The following PKN2 variants were observed in gnomAD, a reference collection of about 807,000 sequenced individuals.
PKN2 encodes serine/threonine-protein kinase N2.
Under a neutral mutation model 119.1 loss-of-function variants are expected in PKN2, and 38 were observed. That is an observed-to-expected ratio of 0.32 (90% CI 0.25 to 0.42). The LOEUF (loss-of-function observed/expected upper bound fraction) is 0.42, where lower values mean the gene tolerates loss of function less well. PKN2 is among the 10% of genes least tolerant of loss of function. PKN2 has a pLI of 1.00. For missense variants in PKN2, 850 were observed against 1,165.1 expected (o/e 0.73, Z 3.94); for synonymous variants, 390 against 384.9 (o/e 1.01, Z -0.15).
rs527962465 is a variant in PKN2 at position 88,716,753 on chromosome 1, G to A, written c.49-24235G>A. On this transcript the variant is annotated intron_variant, in intron 1 of 21. Coordinates refer to ENST00000370521, the MANE Select transcript of PKN2 (RefSeq NM_006256.4). The stretch of plus-strand genomic sequence containing the variant: ...TGGGTCTTGACTGTTTATCCAGTTT[G>A]CCAGTCTGTGTCTTTTAATTGGGGC... 7.6e-4 allele frequency among the ~76,000 whole-genome samples: 116 copies of A among 152,216 alleles called. 1 individual carries two copies. Among genetic ancestry groups the A allele is most frequent in the African/African-American group, 2.6e-3 (106 of 41,526 alleles).
chr1:88,759,620 G>T (rs1669357438), intron 2 of PKN2, among the ~76,000 whole-genome samples: 1 of 152,016 alleles, frequency 6.6e-6, no homozygotes, highest in Non-Finnish European at 1.5e-5. Context: ...CCATTCTGTA[G>T]GTTGTCTGTT....
intron 1 of PKN2, among the ~76,000 whole-genome samples, chr1:88,739,341 AC>A (rs1325381883): frequency 6.6e-6 from 1 of 152,092 alleles, no homozygotes; most frequent in Non-Finnish European, 1.5e-5. Flanking sequence ...GAAATCAACT[AC>A]TTCATATTTT....
At chr1:88,777,250 C>CTT (rs1670144844) in intron 6 of PKN2, among the ~76,000 whole-genome samples, 1 of 151,912 alleles carries the variant, frequency 6.6e-6, no homozygotes, top group South Asian at 2.1e-4. Flanking sequence ...CTGTTTGGTT[C>CTT]TTTTTTATAA....
intron 2 of PKN2, among the ~76,000 whole-genome samples, chr1:88,759,216 AG>A (rs1669343494): frequency 6.6e-6 from 1 of 152,250 alleles, no homozygotes; most frequent in African/African-American, 2.4e-5. Context: ...TACAAAAATT[AG>A]CCAGGCATGG....
In PKN2 at chr1:88,741,042, G is replaced by A. The variant is rs1668559236; in HGVS notation, c.103G>A (p.Asp35Asn). ...GAATGTGAGTGCTGTTCAAAAATTA[G>A]ACTTTTCAGATACAATGGTGCAGCA... ...SENVSAVQKLDFSDTMVQQKL... is the reference protein window; with the variant it reads ...SENVSAVQKLNFSDTMVQQKL... Residue 35 changes from aspartate (D) to asparagine (N), a missense_variant, in exon 2 of 22, where the codon GAC becomes AAC. Asp to Asn is a conservative substitution (Grantham distance 23). Coordinates refer to ENST00000370521, the MANE Select transcript of PKN2 (RefSeq NM_006256.4). 4.4e-6 allele frequency: 7 copies of A among 1,596,362 alleles called. No homozygotes were observed. The highest frequency in any genetic ancestry group is 5.1e-6 in the Non-Finnish European group (6 of 1,174,816).
intron 1 of PKN2, among the ~76,000 whole-genome samples, chr1:88,699,911 T>C (rs890606585): frequency 1.3e-5 from 2 of 151,988 alleles, no homozygotes; most frequent in African/African-American, 4.8e-5. Context: ...GCTTCCCGAG[T>C]AGCTAGGATT....
chr1:88,762,059 T>A (rs1160874753), intron 3 of PKN2, among the ~76,000 whole-genome samples: 1 of 152,194 alleles, frequency 6.6e-6, no homozygotes, highest in East Asian at 1.9e-4. Flanking sequence ...TTGAGGGGTT[T>A]ATGAACCCTT....
At chr1:88,796,535 T>G (rs1488489304) in intron 8 of PKN2, among the ~76,000 whole-genome samples, 1 of 152,244 alleles carries the variant, frequency 6.6e-6, no homozygotes, top group Non-Finnish European at 1.5e-5. Flanking sequence ...ATCCCTATGA[T>G]GTACTATATA....
At chr1:88,706,117 G>T (rs765963305) in intron 1 of PKN2, among the ~76,000 whole-genome samples, 1 of 152,104 alleles carries the variant, frequency 6.6e-6, no homozygotes, top group African/African-American at 2.4e-5. Flanking sequence ...TCTGTTCTAT[G>T]ATAAACAAAG....
intron 15 of PKN2, among the ~76,000 whole-genome samples, chr1:88,811,416 C>G (rs1443569513): frequency 6.6e-6 from 1 of 151,944 alleles, no homozygotes; most frequent in Admixed American, 6.6e-5. Context: ...AGGAAGTACA[C>G]GAAACATGTT....
intron 2 of PKN2, among the ~76,000 whole-genome samples, chr1:88,753,391 C>T (rs1669077818): frequency 6.6e-6 from 1 of 152,124 alleles, no homozygotes; most frequent in Non-Finnish European, 1.5e-5. Flanking sequence ...CTGTGAAAAA[C>T]TCTTTCATCT....
At chr1:88,827,654 C>T (rs1269312392) in intron 18 of PKN2, among the ~76,000 whole-genome samples, 1 of 140,638 alleles carries the variant, frequency 7.1e-6, no homozygotes, top group Non-Finnish European at 1.5e-5. Context: ...CTCTTCTCCC[C>T]TCCCCTCCCG....
chr1:88,701,213 G>T (rs1163750933), intron 1 of PKN2, among the ~76,000 whole-genome samples: 1 of 152,218 alleles, frequency 6.6e-6, no homozygotes, highest in African/African-American at 2.4e-5. Context: ...GGAGGCTGAG[G>T]CGGGTGGATC....
chr1:88,715,218 A>G lies in PKN2; in HGVS notation c.49-25770A>G, dbSNP rs1667397884. ...TTTTGCATTGATGTTCATCAGGGAT[A>G]TTGGTTTAAAATTATCTTTTTTTGT... On this transcript the variant is annotated intron_variant, in intron 1 of 21. Transcript: ENST00000370521. 2.0e-5 allele frequency among the ~76,000 whole-genome samples: 3 copies of G among 152,240 alleles called. No individual in the cohort carries two copies. The South Asian group carries it at 6.2e-4, about 32-fold the overall frequency.
At chr1:88,775,043 C>T (rs968717341) in intron 6 of PKN2, among the ~76,000 whole-genome samples, 1 of 152,114 alleles carries the variant, frequency 6.6e-6, no homozygotes, top group Non-Finnish European at 1.5e-5. Flanking sequence ...TTCTTGCTCC[C>T]TTTTATGAGA....
At chr1:88,773,638 A>G (rs1319933874) in intron 6 of PKN2, among the ~76,000 whole-genome samples, 1 of 152,038 alleles carries the variant, frequency 6.6e-6, no homozygotes, top group Non-Finnish European at 1.5e-5. Context: ...AGTTATCCAG[A>G]TGAGGTTGCA....
At chr1:88,744,649 T>C (rs955438765) in intron 2 of PKN2, among the ~76,000 whole-genome samples, 1 of 152,198 alleles carries the variant, frequency 6.6e-6, no homozygotes, top group Non-Finnish European at 1.5e-5. Context: ...CTTGATCTCT[T>C]TACTTTGTTG....
intron 19 of PKN2, among the ~76,000 whole-genome samples, chr1:88,832,186 C>T (rs981916407): frequency 5.9e-5 from 9 of 151,894 alleles, no homozygotes; most frequent in Admixed American, 5.9e-4. Flanking sequence ...GTTTTACCAC[C>T]ATTAATTTAC....
At chr1:88,757,291 T>C (rs778174084) in intron 2 of PKN2, among the ~76,000 whole-genome samples, 8 of 152,190 alleles carry the variant, frequency 5.3e-5, no homozygotes, top group Non-Finnish European at 8.8e-5. Context: ...TAAAGCACTA[T>C]TATTTTACAT....
Sources: gnomAD v4.1 joint callset for allele counts (sites outside exome capture counted in the v4.1 genomes callset) on GRCh38, gnomAD v4.1.1 for gene constraint, MANE v1.5 for transcripts, NCBI Gene and HGNC (gene_info 2026-07-23, HGNC 2026-07-21) for gene names.